The following STRN3 variants were observed in gnomAD, a reference collection of about 807,000 sequenced individuals.
The protein encoded by STRN3 is striatin 3.
Under a neutral mutation model 95.6 loss-of-function variants are expected in STRN3, and 29 were observed. That is an observed-to-expected ratio of 0.30 (90% CI 0.23 to 0.41). The LOEUF (loss-of-function observed/expected upper bound fraction) is 0.41, where lower values mean the gene tolerates loss of function less well. STRN3 is among the 10% of genes least tolerant of loss of function. The pLI is 1.00. For missense variants in STRN3, 890 were observed against 972.1 expected, an observed-to-expected ratio of 0.92 and a Z score of 1.12; for synonymous variants, 331 against 357.6, an observed-to-expected ratio of 0.93 and a Z score of 0.84.
At chr14:31,020,254 T>C (rs563072841) in intron 1 of STRN3, among the ~76,000 whole-genome samples, 1 of 152,280 alleles carries the variant, frequency 6.6e-6, no homozygotes, top group South Asian at 2.1e-4. Context: ...ATCCTAGCAC[T>C]TTGGGAGGCC....
intron 16 of STRN3, 104 bp downstream of exon 16, chr14:30,902,432 G>T: frequency 1.4e-6 from 1 of 705,376 alleles, no homozygotes; most frequent in Non-Finnish European, 2.2e-6. Context: ...GGTTTCATTT[G>T]GCAATTTCGT....
intron 1 of STRN3, among the ~76,000 whole-genome samples, chr14:30,965,890 A>G (rs903701246): frequency 6.6e-6 from 1 of 151,970 alleles, no homozygotes; most frequent in Non-Finnish European, 1.5e-5. Context: ...ATAATATGTC[A>G]GTATGTTCCA....
intron 1 of STRN3, among the ~76,000 whole-genome samples, chr14:30,968,957 A>G (rs192602051): frequency 2.0e-5 from 3 of 152,284 alleles, no homozygotes; most frequent in Admixed American, 2.0e-4. Flanking sequence ...AAAAAAATAT[A>G]TATTTTGTTT....
intron 6 of STRN3, 50 bp from the exon 7 acceptor site, chr14:30,935,354 G>A: frequency 6.3e-7 from 1 of 1,577,126 alleles, no homozygotes; most frequent in Non-Finnish European, 8.6e-7. Context: ...AATGGAAAAG[G>A]GATGCTTTAA....
chr14:30,993,678 T>C (rs566903146), intron 1 of STRN3, among the ~76,000 whole-genome samples: 4 of 143,900 alleles, frequency 2.8e-5, no homozygotes, highest in Non-Finnish European at 6.2e-5. Flanking sequence ...ATTGTAACTT[T>C]CATATACTTC....
At chr14:31,006,118 CAAAAAAAAA>C (rs370320880) in intron 1 of STRN3, among the ~76,000 whole-genome samples, 1 of 75,270 alleles carries the variant, frequency 1.3e-5, no homozygotes, top group East Asian at 4.2e-4. Context: ...GACTCTGTCT[CAAAAAAAAA>C]AAAAAAAAAG....
At chr14:30,965,721 C>G (rs961527799) in intron 1 of STRN3, among the ~76,000 whole-genome samples, 3 of 126,648 alleles carry the variant, frequency 2.4e-5, no homozygotes, top group Non-Finnish European at 3.1e-5. Flanking sequence ...ATCTGAGGAA[C>G]GAGAATCGCT....
At chr14:30,951,172 C>G (rs949197836) in intron 3 of STRN3, among the ~76,000 whole-genome samples, 1 of 152,066 alleles carries the variant, frequency 6.6e-6, no homozygotes, top group Non-Finnish European at 1.5e-5. Context: ...CAGGGAAAAC[C>G]CAAGTGTACT....
intron 5 of STRN3, among the ~76,000 whole-genome samples, chr14:30,944,701 C>T (rs2139105497): frequency 6.7e-6 from 1 of 150,336 alleles, no homozygotes; most frequent in Non-Finnish European, 1.5e-5. Context: ...TCACTGCAAC[C>T]TTTGCCTCCT....
Position 30,985,438 on chromosome 14 carries a change from T to C in STRN3, c.283-29196A>G, listed in dbSNP as rs151209863. ...GGCCAACATCATGAAACCCCGTCTC[T>C]ACTAAAAATACAAAAAGTAGCCAGG... On this transcript the variant is annotated intron_variant, in intron 1 of 17. Transcript: ENST00000357479. Among the ~76,000 whole-genome samples, 232 of 152,108 alleles carry C rather than the reference T, an allele frequency of 1.5e-3. 4 individuals are homozygous for C. In the East Asian group the frequency reaches 0.024, roughly 16 times the overall value.
intron 1 of STRN3, among the ~76,000 whole-genome samples, chr14:31,008,756 C>G (rs1260674445): frequency 6.6e-6 from 1 of 151,818 alleles, no homozygotes; most frequent in Admixed American, 6.6e-5. Flanking sequence ...ATTTTAGAAA[C>G]AGCTGGGTGC....
intron 1 of STRN3, among the ~76,000 whole-genome samples, chr14:30,983,618 T>C (rs1262113794): frequency 2.0e-5 from 3 of 152,226 alleles, no homozygotes; most frequent in Non-Finnish European, 4.4e-5. Flanking sequence ...ATCAAATAAA[T>C]GTGATTCCTC....
chr14:30,910,047 TCTTTC>T (rs1231826717), intron 13 of STRN3, among the ~76,000 whole-genome samples: 1 of 152,208 alleles, frequency 6.6e-6, no homozygotes, highest in Non-Finnish European at 1.5e-5. Flanking sequence ...CTGGTATTTC[TCTTTC>T]CACTCTTCTC....
intron 9 of STRN3, among the ~76,000 whole-genome samples, 165 bp downstream of exon 9, chr14:30,918,801 T>C (rs1333031782): frequency 2.0e-5 from 3 of 152,144 alleles, no homozygotes; most frequent in African/African-American, 7.2e-5. Context: ...ACCAGAAATG[T>C]CAAAATCCCT....
At chr14:30,949,342 G>C (rs926807598) in intron 4 of STRN3, among the ~76,000 whole-genome samples, 1 of 152,206 alleles carries the variant, frequency 6.6e-6, no homozygotes. Flanking sequence ...GCCAGGTGCG[G>C]TGGCTCACAC....
At chr14:30,994,633 C>A (rs1318952465) in intron 1 of STRN3, among the ~76,000 whole-genome samples, 1 of 152,016 alleles carries the variant, frequency 6.6e-6, no homozygotes, top group East Asian at 1.9e-4. Context: ...AACTTCCAAA[C>A]AAATTTAAAT....
intron 7 of STRN3, among the ~76,000 whole-genome samples, chr14:30,931,341 G>GA (rs1333846138): frequency 5.3e-5 from 8 of 151,908 alleles, no homozygotes; most frequent in Non-Finnish European, 7.4e-5. Flanking sequence ...AATCTAGGGG[G>GA]AAAAAATACC....
chr14:30,969,330 G>A (rs1471034792), intron 1 of STRN3, among the ~76,000 whole-genome samples: 3 of 151,872 alleles, frequency 2.0e-5, no homozygotes, highest in Non-Finnish European at 4.4e-5. Flanking sequence ...CCAGCTACTC[G>A]GGAGGCTAAG....
intron 5 of STRN3, among the ~76,000 whole-genome samples, chr14:30,946,167 A>T (rs1879349255): frequency 6.6e-6 from 1 of 152,208 alleles, no homozygotes; most frequent in Non-Finnish European, 1.5e-5. Context: ...TAAAATAAGG[A>T]TGTTAAAATA....
Sources: gnomAD v4.1 joint callset for allele counts (sites outside exome capture counted in the v4.1 genomes callset) on GRCh38, gnomAD v4.1.1 for gene constraint, MANE v1.5 for transcripts, NCBI Gene and HGNC (gene_info 2026-07-23, HGNC 2026-07-21) for gene names.